SLC35F1: variants seen among roughly 807,000 people sequenced by gnomAD.
SLC35F1 encodes chromosome 6 open reading frame 169.
SLC35F1 carries 14 observed loss-of-function variants against 48.7 expected under a neutral mutation model. The ratio of observed to expected loss-of-function variants is 0.29; its 90% confidence interval spans 0.19 to 0.45. SLC35F1 has a LOEUF of 0.45. Ranked by LOEUF, SLC35F1 falls within the 20% of genes least tolerant of loss-of-function variation. SLC35F1 has a pLI of 1.00. For synonymous variants in SLC35F1, 190 were observed against 202.2 expected (o/e 0.94, Z 0.51); for missense variants, 404 against 500.0 (o/e 0.81, Z 1.83).
At chr6:117,988,071 G>C (rs1776870306) in intron 1 of SLC35F1, among the ~76,000 whole-genome samples, 1 of 152,026 alleles carries the variant, frequency 6.6e-6, no homozygotes, top group South Asian at 2.1e-4. Context: ...ACTCTTTCTA[G>C]AGCAATCCAG....
intron 3 of SLC35F1, among the ~76,000 whole-genome samples, 182 bp from the exon 4 acceptor site, chr6:118,266,813 A>G (rs746022364): frequency 6.6e-6 from 1 of 152,224 alleles, no homozygotes; most frequent in African/African-American, 2.4e-5. Context: ...AAGTAAATAA[A>G]TAAAGCTAAT....
At chr6:118,125,658 G>T (rs887531146) in intron 1 of SLC35F1, among the ~76,000 whole-genome samples, 2 of 152,074 alleles carry the variant, frequency 1.3e-5, no homozygotes, top group African/African-American at 4.8e-5. Context: ...ATTCCCAGTG[G>T]GTGGGCAGCC....
intron 2 of SLC35F1, among the ~76,000 whole-genome samples, chr6:118,233,780 T>C (rs1300023590): frequency 6.6e-6 from 1 of 152,114 alleles, no homozygotes; most frequent in East Asian, 1.9e-4. Flanking sequence ...AGGGCTACAT[T>C]TTGAAAAATG....
At chr6:118,075,257 T>G (rs1772801713) in intron 1 of SLC35F1, among the ~76,000 whole-genome samples, 3 of 152,216 alleles carry the variant, frequency 2.0e-5, no homozygotes. Flanking sequence ...CTTTGGAGGA[T>G]TTTTAGTTTC....
intron 1 of SLC35F1, among the ~76,000 whole-genome samples, chr6:118,060,999 A>G (rs1023563824): frequency 6.6e-6 from 1 of 152,312 alleles, no homozygotes; most frequent in Non-Finnish European, 1.5e-5. Flanking sequence ...TTTTCTCTCT[A>G]GTAAAATTTT....
intron 3 of SLC35F1, among the ~76,000 whole-genome samples, chr6:118,254,454 G>A (rs1176863204): frequency 3.3e-5 from 5 of 151,930 alleles, no homozygotes; most frequent in African/African-American, 4.8e-5. Context: ...GCTTATTTTC[G>A]TATTGTTTGT....
At chr6:118,312,209 A>G (rs1196781737) in intron 7 of SLC35F1, among the ~76,000 whole-genome samples, 1 of 152,190 alleles carries the variant, frequency 6.6e-6, no homozygotes, top group Admixed American at 6.5e-5. Context: ...GCTTGAAACT[A>G]GAGACGTATG....
chr6:118,124,619 C>T (rs1773597731), intron 1 of SLC35F1, among the ~76,000 whole-genome samples: 1 of 152,134 alleles, frequency 6.6e-6, no homozygotes, highest in Non-Finnish European at 1.5e-5. Context: ...CCCAGGCTGA[C>T]AAGACCTGCA....
At chr6:117,931,887 G>A (rs1487356767) in intron 1 of SLC35F1, among the ~76,000 whole-genome samples, 1 of 152,192 alleles carries the variant, frequency 6.6e-6, no homozygotes, top group Non-Finnish European at 1.5e-5. Flanking sequence ...TGCCTTTATT[G>A]TTTTTTGCTA....
At chr6:117,979,502 C>A (rs908461097) in intron 1 of SLC35F1, among the ~76,000 whole-genome samples, 4 of 152,308 alleles carry the variant, frequency 2.6e-5, no homozygotes, top group Non-Finnish European at 5.9e-5. Context: ...TTTTACCTAA[C>A]CTGCATCTAG....
Position 117,981,053 on chromosome 6 carries a change from T to C in SLC35F1, c.173+73154T>C, listed in dbSNP as rs528748799. 2.3e-3 allele frequency among the ~76,000 whole-genome samples: 356 copies of C among 152,248 alleles called. 1 individual carries two copies. The highest frequency in any genetic ancestry group is 3.5e-3 in the Non-Finnish European group (235 of 68,010). Reference sequence around the variant, plus strand: ...GAGGTGGGGAAAGGAGAGGAAGAGATGAGTTTGAGAAAGCTTTGGTTGTAG... The same window carrying C: ...GAGGTGGGGAAAGGAGAGGAAGAGACGAGTTTGAGAAAGCTTTGGTTGTAG... On this transcript the variant is annotated intron_variant, in intron 1 of 7. Transcript: ENST00000360388.
intron 2 of SLC35F1, among the ~76,000 whole-genome samples, chr6:118,207,195 A>G (rs534244560): frequency 3.9e-5 from 6 of 152,348 alleles, no homozygotes; most frequent in African/African-American, 1.4e-4. Flanking sequence ...GAAGAGCCCT[A>G]GGAAATATTT....
rs979453987 is a variant in SLC35F1, at chr6:117,907,372, G to A, written c.-355G>A. On this transcript the variant is annotated 5_prime_UTR_variant, in exon 1 of 8. Coordinates refer to ENST00000360388, the MANE Select transcript of SLC35F1 (RefSeq NM_001029858.4). The stretch of plus-strand genomic sequence containing the variant: ...GGCACGAGGAAACAAGGAGAAATCA[G>A]GACTCCTTCCCCGGAACCGACCGGC... 4.8e-4 allele frequency among the ~76,000 whole-genome samples: 73 copies of A among 150,578 alleles called. No homozygotes were observed. The highest frequency in any genetic ancestry group is 1.7e-3 in the African/African-American group (72 of 41,252).
At chr6:118,215,213 G>A (rs997769942) in intron 2 of SLC35F1, among the ~76,000 whole-genome samples, 8 of 152,190 alleles carry the variant, frequency 5.3e-5, no homozygotes, top group African/African-American at 1.2e-4. Context: ...TCTGTTCCAT[G>A]GGGATTTCTA....
chr6:118,041,396 C>T (rs183563681), intron 1 of SLC35F1, among the ~76,000 whole-genome samples: 1 of 152,172 alleles, frequency 6.6e-6, no homozygotes, highest in East Asian at 1.9e-4. Flanking sequence ...TAGTTCAGAG[C>T]GCTTCACTGC....
chr6:118,127,699 T>G (rs867883291), intron 1 of SLC35F1, among the ~76,000 whole-genome samples: 18 of 151,672 alleles, frequency 1.2e-4, no homozygotes, highest in African/African-American at 3.6e-4. Flanking sequence ...CCTAAAACCA[T>G]AAAAACCCTA....
chr6:117,968,928 C>T (rs1333192315), intron 1 of SLC35F1, among the ~76,000 whole-genome samples: 1 of 152,114 alleles, frequency 6.6e-6, no homozygotes, highest in Non-Finnish European at 1.5e-5. Flanking sequence ...CTCTTTTTCC[C>T]TTCTGTCTGT....
intron 1 of SLC35F1, among the ~76,000 whole-genome samples, chr6:117,974,600 A>G (rs1240219901): frequency 6.6e-6 from 1 of 152,164 alleles, no homozygotes; most frequent in Non-Finnish European, 1.5e-5. Context: ...TATTCTTAAG[A>G]ATTTTGGTCT....
At chr6:118,109,451 G>T (rs1270587105) in intron 1 of SLC35F1, among the ~76,000 whole-genome samples, 1 of 152,084 alleles carries the variant, frequency 6.6e-6, no homozygotes, top group Admixed American at 6.6e-5. Context: ...GCTGCTCAAG[G>T]CTCAAGCATA....
Sources: gnomAD v4.1 joint callset for allele counts (sites outside exome capture counted in the v4.1 genomes callset) on GRCh38, gnomAD v4.1.1 for gene constraint, MANE v1.5 for transcripts, NCBI Gene and HGNC (gene_info 2026-07-23, HGNC 2026-07-21) for gene names.